Variants in BNC2 observed in about 807,000 individuals in gnomAD.
The protein encoded by BNC2 is zinc finger protein basonuclin-2.
Under a neutral mutation model 76.3 loss-of-function variants are expected in BNC2, and 20 were observed. The ratio of observed to expected loss-of-function variants is 0.26; its 90% CI spans 0.18 to 0.38. The LOEUF (loss-of-function observed/expected upper bound fraction) is 0.38. Among genes scored for constraint, BNC2 ranks in the 10% least tolerant of loss-of-function variants. BNC2 has a pLI of 1.00. For missense variants in BNC2, 1,382 were observed against 1,399.8 expected, an observed-to-expected ratio of 0.99 and a Z score of 0.20; for synonymous variants, 582 against 514.8, an observed-to-expected ratio of 1.13 and a Z score of -1.77.
intron 4 of BNC2, among the ~76,000 whole-genome samples, chr9:16,557,179 G>A (rs1304811571): frequency 1.3e-5 from 2 of 152,118 alleles, no homozygotes; most frequent in Non-Finnish European, 1.5e-5. Flanking sequence ...ATCTGCTGAT[G>A]TGTCCCATAC....
intron 4 of BNC2, among the ~76,000 whole-genome samples, chr9:16,556,748 C>G (rs1468798989): frequency 6.9e-6 from 1 of 145,816 alleles, no homozygotes; most frequent in African/African-American, 2.6e-5. Context: ...AGCCTGGCGA[C>G]AGAGCGAGAC....
At chr9:16,734,747 C>G (rs540195139) in intron 2 of BNC2, among the ~76,000 whole-genome samples, 68 of 152,318 alleles carry the variant, frequency 4.5e-4, no homozygotes, top group African/African-American at 1.6e-3. Context: ...ATAATAACCA[C>G]TCACCTACAG....
rs74989580 is a variant in BNC2 at position 16,425,666 on chromosome 9, T to C, written c.2640-6017A>G. ...ATATATGGAAAAGCCAAACAGATGG[T>C]TTGTTTACTCCACTTTGCAACTTTA... On this transcript the variant is annotated intron_variant, in intron 6 of 6. Transcript: ENST00000380672. Among the ~76,000 whole-genome samples, 765 of 151,512 alleles carry C rather than the reference T, an allele frequency of 5.0e-3. 31 individuals are homozygous for C. In the East Asian group the frequency reaches 0.11, roughly 21 times the overall value.
intron 3 of BNC2, among the ~76,000 whole-genome samples, chr9:16,612,418 A>G (rs985660589): frequency 6.6e-6 from 1 of 152,152 alleles, no homozygotes; most frequent in Non-Finnish European, 1.5e-5. Context: ...CTAGGCATTC[A>G]TATTTCCATT....
chr9:16,677,578 A>ACACACACAC (rs61063092), intron 3 of BNC2, among the ~76,000 whole-genome samples: 108 of 139,340 alleles, frequency 7.8e-4, no homozygotes, highest in East Asian at 4.0e-3. Context: ...GTCTCAAACA[A>ACACACACAC]ACACACACAC....
rs150131910 is a variant in BNC2, at chr9:16,729,789, A to G, written c.130-1792T>C. On this transcript the variant is annotated intron_variant, in intron 2 of 6. Transcript: ENST00000380672. ...ACTTAAACTCCCTCTAAAATTTGCT[A>G]GCCTCTTGATTTCTGAAGTGGCACT... Among the ~76,000 whole-genome samples, 525 of 152,238 alleles carry G rather than the reference A, an allele frequency of 3.4e-3. 4 individuals are homozygous for G. The highest frequency in any genetic ancestry group is 0.012 in the African/African-American group (496 of 41,538).
intron 3 of BNC2, among the ~76,000 whole-genome samples, chr9:16,601,564 G>A (rs1820244852): frequency 6.6e-6 from 1 of 152,126 alleles, no homozygotes; most frequent in Admixed American, 6.5e-5. Flanking sequence ...CTTCTCAGAG[G>A]GAGCTGAGTC....
chr9:16,662,933 T>G (rs1822152307), intron 3 of BNC2, among the ~76,000 whole-genome samples: 2 of 152,102 alleles, frequency 1.3e-5, no homozygotes, highest in South Asian at 4.1e-4. Context: ...GTAAGTGCCT[T>G]AAACAGTAGT....
chr9:16,711,112 CA>C (rs1823827407), intron 3 of BNC2, among the ~76,000 whole-genome samples: 1 of 152,144 alleles, frequency 6.6e-6, no homozygotes, highest in African/African-American at 2.4e-5. Context: ...CCCCTCCCCC[CA>C]GTCTTTCTCC....
intron 1 of BNC2, among the ~76,000 whole-genome samples, chr9:16,786,959 T>G (rs976680346): frequency 3.9e-5 from 6 of 152,116 alleles, no homozygotes; most frequent in African/African-American, 1.4e-4. Flanking sequence ...GATCTGACAA[T>G]CAGTGATTAA....
intron 1 of BNC2, among the ~76,000 whole-genome samples, chr9:16,860,661 A>G (rs997225617): frequency 6.6e-6 from 1 of 152,232 alleles, no homozygotes; most frequent in African/African-American, 2.4e-5. Context: ...ATAGCATACC[A>G]AGGACAGAAA....
At chr9:16,575,140 A>C (rs774228007) in intron 4 of BNC2, 11 of 381,836 alleles carry the variant, frequency 2.9e-5, no homozygotes, top group Non-Finnish European at 3.6e-5. Context: ...TTCACAGATG[A>C]CAGAACAGAG....
intron 1 of BNC2, among the ~76,000 whole-genome samples, chr9:16,776,061 G>A (rs957218988): frequency 7.2e-5 from 11 of 152,100 alleles, no homozygotes; most frequent in Admixed American, 3.3e-4. Flanking sequence ...TTTCAGCCAC[G>A]GGGACCTGCA....
chr9:16,774,660 T>C (rs1463671906), intron 1 of BNC2, among the ~76,000 whole-genome samples: 1 of 152,252 alleles, frequency 6.6e-6, no homozygotes, highest in Non-Finnish European at 1.5e-5. Context: ...ATATTTGCAG[T>C]ATTGTAAGCC....
intron 3 of BNC2, among the ~76,000 whole-genome samples, chr9:16,715,502 G>A (rs1485085136): frequency 6.6e-6 from 1 of 152,318 alleles, no homozygotes; most frequent in East Asian, 1.9e-4. Flanking sequence ...GCAGCCAGAG[G>A]GCTGAATGTA....
chr9:16,773,534 G>C lies in BNC2; in HGVS notation c.4-35049C>G, dbSNP rs145131849. Among the ~76,000 whole-genome samples the C allele has an allele frequency of 2.3e-3, 354 of 151,292 alleles. 1 individual carries two copies. The highest frequency in any genetic ancestry group is 7.8e-3 in the African/African-American group (320 of 41,128). The stretch of plus-strand genomic sequence containing the variant: ...TCAGAAAAAAAAAAAAAAAAGGTGA[G>C]GGACAGTGCAATAATAATAATTTTA... On this transcript the variant is annotated intron_variant, in intron 1 of 6. Coordinates refer to ENST00000380672, the MANE Select transcript of BNC2 (RefSeq NM_017637.6).
chr9:16,558,753 A>C (rs994018015), intron 4 of BNC2, among the ~76,000 whole-genome samples: 1 of 152,044 alleles, frequency 6.6e-6, no homozygotes, highest in African/African-American at 2.4e-5. Context: ...ACATGGTGAA[A>C]CCACGTCTCT....
chr9:16,441,088 G>C (rs4466492), intron 5 of BNC2, among the ~76,000 whole-genome samples: 48,474 of 151,970 alleles, frequency 0.32, 8,296 homozygotes, highest in East Asian at 0.51. Context: ...CATTTAGGAA[G>C]GCCAAGGTGG....
chr9:16,516,848 C>T (rs1429454803), intron 5 of BNC2, among the ~76,000 whole-genome samples: 1 of 152,148 alleles, frequency 6.6e-6, no homozygotes. Flanking sequence ...GTAAAATAAT[C>T]AGGTGATTCT....
Sources: allele counts gnomAD v4.1 joint callset (sites outside exome capture counted in the v4.1 genomes callset), GRCh38; gene constraint gnomAD v4.1.1; transcripts MANE v1.5; gene names NCBI Gene and HGNC (gene_info 2026-07-23, HGNC 2026-07-21).